Variants in RABGAP1L observed in about 807,000 individuals in gnomAD.
The protein encoded by RABGAP1L is rab GTPase-activating protein 1-like.
A neutral mutation model predicts 137.7 loss-of-function variants in RABGAP1L; 63 were observed. That is an observed-to-expected ratio of 0.46 (90% CI 0.37 to 0.56). The LOEUF (loss-of-function observed/expected upper bound fraction) is 0.56. Ranked by LOEUF, RABGAP1L falls within the 20% of genes least tolerant of loss-of-function variation. The pLI, the probability that RABGAP1L is intolerant of heterozygous loss-of-function variation, is 0.00. For synonymous variants in RABGAP1L, 431 were observed against 433.7 expected (o/e 0.99, Z 0.08); for missense variants, 1,095 against 1,244.0 (o/e 0.88, Z 1.80).
chr1:174,774,440 T>TA (rs1330059625), intron 18 of RABGAP1L, among the ~76,000 whole-genome samples: 6 of 149,820 alleles, frequency 4.0e-5, no homozygotes, highest in African/African-American at 1.5e-4. Context: ...AAAATAAAAA[T>TA]AAAAAAAATA....
chr1:174,953,035 C>CAA (rs34788853), intron 19 of RABGAP1L, among the ~76,000 whole-genome samples: 3,279 of 97,218 alleles, frequency 0.034, 141 homozygotes, highest in African/African-American at 0.096. Context: ...GGGTGGCATG[C>CAA]AAAAAAAAAA....
At chr1:174,473,475 A>G (rs953740944) in intron 13 of RABGAP1L, among the ~76,000 whole-genome samples, 1 of 152,192 alleles carries the variant, frequency 6.6e-6, no homozygotes, top group Non-Finnish European at 1.5e-5. Flanking sequence ...GCATAGGTTC[A>G]GGAGCTTCCA....
At chr1:174,809,431 G>C (rs910755891) in intron 18 of RABGAP1L, among the ~76,000 whole-genome samples, 10 of 152,156 alleles carry the variant, frequency 6.6e-5, no homozygotes, top group Non-Finnish European at 1.3e-4. Context: ...TAGAGGTCCG[G>C]TGTGTGAGAA....
intron 10 of RABGAP1L, among the ~76,000 whole-genome samples, chr1:174,281,565 A>G (rs1298999957): frequency 6.6e-6 from 1 of 152,174 alleles, no homozygotes; most frequent in African/African-American, 2.4e-5. Context: ...ACCTGAGTCT[A>G]AGGGGAGTAG....
intron 19 of RABGAP1L, among the ~76,000 whole-genome samples, chr1:174,926,592 A>C (rs1662875013): frequency 6.6e-6 from 1 of 151,866 alleles, no homozygotes; most frequent in African/African-American, 2.4e-5. Context: ...TTTGTAAATT[A>C]ATCTCGTATG....
At chr1:174,580,658 A>G (rs555516757) in intron 13 of RABGAP1L, among the ~76,000 whole-genome samples, 73 of 152,298 alleles carry the variant, frequency 4.8e-4, no homozygotes, top group African/African-American at 1.7e-3. Context: ...GAGGGATAGC[A>G]TTAGGAGATA....
chr1:174,726,643 G>T (rs1390372274), intron 17 of RABGAP1L, among the ~76,000 whole-genome samples: 2 of 152,006 alleles, frequency 1.3e-5, no homozygotes, highest in Non-Finnish European at 1.5e-5. Context: ...CATTTTCTAA[G>T]AGATAGAAAT....
chr1:174,367,759 T>G, intron 11 of RABGAP1L: 1 of 197,186 alleles, frequency 5.1e-6, no homozygotes, highest in South Asian at 1.2e-4. Flanking sequence ...CCAGTGATTA[T>G]CCATAAGGAT....
intron 19 of RABGAP1L, among the ~76,000 whole-genome samples, chr1:174,839,395 A>G (rs544718982): frequency 6.6e-6 from 1 of 152,284 alleles, no homozygotes; most frequent in South Asian, 2.1e-4. Flanking sequence ...TTTGTGGTCA[A>G]AGGATCCTAA....
intron 13 of RABGAP1L, among the ~76,000 whole-genome samples, chr1:174,456,777 G>C (rs921438780): frequency 6.6e-6 from 1 of 152,076 alleles, no homozygotes; most frequent in Non-Finnish European, 1.5e-5. Flanking sequence ...GAATAAAAAT[G>C]AGTTCCACTG....
chr1:174,761,721 T>C lies in RABGAP1L; in HGVS notation c.2211+9367T>C, dbSNP rs1319433732. ...CCCGTTTTTAAAACATCAGATCTCA[T>C]GAGACTATTCACTACCAGGAGAACA... On this transcript the variant is annotated intron_variant, in intron 18 of 25. Transcript: ENST00000681986. The surrounding 1 kb of genome is among the most constrained non-coding windows in gnomAD (Gnocchi z 4.0). Among the ~76,000 whole-genome samples, 1 of 152,078 alleles carries C rather than the reference T, an allele frequency of 6.6e-6. No homozygotes were observed. Among genetic ancestry groups the C allele is most frequent in the Non-Finnish European group, 1.5e-5 (1 of 68,002 alleles).
chr1:174,975,153 T>G (rs1467430106), intron 21 of RABGAP1L, among the ~76,000 whole-genome samples: 1 of 152,228 alleles, frequency 6.6e-6, no homozygotes, highest in Non-Finnish European at 1.5e-5. Flanking sequence ...GCATTGGGCT[T>G]GGTGCTTGGG....
intron 17 of RABGAP1L, among the ~76,000 whole-genome samples, chr1:174,748,440 G>C (rs1331376006): frequency 6.6e-6 from 1 of 152,158 alleles, no homozygotes; most frequent in Non-Finnish European, 1.5e-5. Context: ...CATCTGAGAT[G>C]GGTTTCAATC....
chr1:174,867,176 T>A (rs1042500201), intron 19 of RABGAP1L, among the ~76,000 whole-genome samples: 2 of 150,342 alleles, frequency 1.3e-5, no homozygotes, highest in African/African-American at 4.9e-5. Context: ...AGGTCAGGAG[T>A]TCAAGATCAG....
At chr1:174,600,093 A>G (rs60240702) in intron 13 of RABGAP1L, among the ~76,000 whole-genome samples, 12,061 of 152,230 alleles carry the variant, frequency 0.079, 661 homozygotes, top group East Asian at 0.32. Flanking sequence ...CACTTCTTAT[A>G]TGGCAGCAGC....
intron 13 of RABGAP1L, among the ~76,000 whole-genome samples, chr1:174,456,149 A>G (rs1656019190): frequency 6.6e-6 from 1 of 152,016 alleles, no homozygotes; most frequent in African/African-American, 2.4e-5. Context: ...TGGAGGTGTG[A>G]TTTTTGAGAT....
chr1:174,993,290 C>T lies in RABGAP1L; in HGVS notation c.*3289C>T, dbSNP rs903251774. On this transcript the variant is annotated 3_prime_UTR_variant, in exon 26 of 26. Transcript: ENST00000681986. ...TTCAACCAGTGTCTTCTGCCCCTCT[C>T]CCAGCTGTTAAATTAGTACTTCTTC... The T allele has an allele frequency of 1.3e-5, 2 of 152,204 alleles. No homozygotes were observed. Among genetic ancestry groups the T allele is most frequent in the African/African-American group, 4.8e-5 (2 of 41,450 alleles). The allele number at this position is 152,204 out of a possible 1,614,324, so 9.4% of individuals were successfully genotyped here. A position where few individuals can be genotyped will look rare whatever the true frequency, so the allele number is the denominator to read the frequency against.
At position 174,448,111 on chromosome 1, in the gene RABGAP1L, C is replaced by T; in HGVS notation, c.1710+53966C>T. On this transcript the variant is annotated intron_variant, in intron 13 of 25. Coordinates refer to ENST00000681986, the MANE Select transcript of RABGAP1L (RefSeq NM_001366446.1). The surrounding 1 kb of genome is among the most constrained non-coding windows in gnomAD (Gnocchi z 4.2). ...TGCAGGTGTCTTTAAATTTCCAAGC[C>T]ATGAATGAATCCAGGTGGACTGAAT... 1 of 1,606,762 alleles carries T rather than the reference C, an allele frequency of 6.2e-7. No individual in the cohort carries two copies. Among genetic ancestry groups the T allele is most frequent in the South Asian group, 1.1e-5 (1 of 89,866 alleles).
chr1:174,527,384 G>A (rs1325254891), intron 13 of RABGAP1L, among the ~76,000 whole-genome samples: 1 of 151,842 alleles, frequency 6.6e-6, no homozygotes, highest in Non-Finnish European at 1.5e-5. Flanking sequence ...TGTGTTTTGA[G>A]TAGGGACTGG....
Sources: gnomAD v4.1 joint callset for allele counts (sites outside exome capture counted in the v4.1 genomes callset) on GRCh38, gnomAD v4.1.1 for gene constraint, Gnocchi (gnomAD v3.1) non-coding constraint, MANE v1.5 for transcripts, NCBI Gene and HGNC (gene_info 2026-07-23, HGNC 2026-07-21) for gene names.